Variants in OPHN1 observed in about 807,000 individuals in gnomAD.
OPHN1 encodes the protein oligophrenin-1.
Under a neutral mutation model 60.7 loss-of-function variants are expected in OPHN1, and 11 were observed. The observed-to-expected ratio is 0.18, with a 90% confidence interval of 0.11 to 0.30. The LOEUF (loss-of-function observed/expected upper bound fraction) is 0.30, where lower values mean the gene tolerates loss of function less well. Ranked by LOEUF, OPHN1 falls within the 10% of genes least tolerant of loss-of-function variation. The probability of loss-of-function intolerance (pLI) is 1.00; values close to 1 mark genes in which losing one functional copy is unlikely to be tolerated. For synonymous variants in OPHN1, 226 were observed against 222.6 expected (o/e 1.02, Z -0.14); for missense variants, 449 against 611.0 (o/e 0.73, Z 2.80).
chrX:68,111,745 G>A, intron 18 of OPHN1, 109 bp downstream of exon 18: 1 of 561,546 alleles, frequency 1.8e-6, no homozygotes, highest in South Asian at 2.4e-5. Flanking sequence ...TTCCAAGGAA[G>A]CACTTAAGGG....
intron 12 of OPHN1, among the ~76,000 whole-genome samples, chrX:68,196,257 A>C (rs1487015624): frequency 1.8e-5 from 2 of 112,406 alleles, no homozygotes. Context: ...GCAAAGAAAT[A>C]AGACTGTATC....
intron 2 of OPHN1, among the ~76,000 whole-genome samples, chrX:68,399,035 C>T (rs2078700134): frequency 9.3e-6 from 1 of 107,493 alleles, no homozygotes. Flanking sequence ...CAAAACTGGT[C>T]CTCTCCAGAA....
At chrX:68,078,202 A>AC (rs2076960601) in intron 19 of OPHN1, among the ~76,000 whole-genome samples, 1 of 111,142 alleles carries the variant, frequency 9.0e-6, no homozygotes, top group African/African-American at 3.3e-5. Context: ...CAACTGTGGA[A>AC]GGGGGGTTGG....
intron 15 of OPHN1, among the ~76,000 whole-genome samples, chrX:68,141,170 T>C (rs1354220061): frequency 9.1e-6 from 1 of 110,127 alleles, no homozygotes; most frequent in Non-Finnish European, 1.9e-5. Context: ...ACAAAGGGGG[T>C]AAAGGTCAAG....
chrX:68,327,746 C>T (rs1221981830), intron 2 of OPHN1, among the ~76,000 whole-genome samples: 1 of 77,816 alleles, frequency 1.3e-5, no homozygotes, highest in African/African-American at 5.8e-5. Context: ...CCAAATCCCC[C>T]TCTGCGAGAA....
chrX:68,339,251 A>C (rs1286300495), intron 2 of OPHN1, among the ~76,000 whole-genome samples: 1 of 109,786 alleles, frequency 9.1e-6, no homozygotes, highest in Non-Finnish European at 1.9e-5. Context: ...CTAGGAACAG[A>C]AGGAAATCTC....
At chrX:68,134,999 G>A (rs1352564496) in intron 15 of OPHN1, among the ~76,000 whole-genome samples, 1 of 110,978 alleles carries the variant, frequency 9.0e-6, no homozygotes, top group Non-Finnish European at 1.9e-5. Flanking sequence ...TTTCTGGAAA[G>A]GAAAAGTTCT....
intron 2 of OPHN1, among the ~76,000 whole-genome samples, chrX:68,366,531 G>A (rs749061450): frequency 1.4e-4 from 15 of 110,322 alleles, no homozygotes; most frequent in African/African-American, 2.0e-4. Context: ...GTGTGTGCCC[G>A]TGTGTAGAGT....
chrX:68,427,869 G>A (rs989766582), intron 2 of OPHN1, among the ~76,000 whole-genome samples: 5 of 108,845 alleles, frequency 4.6e-5, no homozygotes, highest in Non-Finnish European at 9.5e-5. Context: ...GGTGGCTCAC[G>A]CCTGTAATCC....
chrX:68,240,575 GTGTC>G (rs1338927459), intron 5 of OPHN1, among the ~76,000 whole-genome samples: 3 of 110,644 alleles, frequency 2.7e-5, no homozygotes, highest in Admixed American at 9.6e-5. Flanking sequence ...CAAATCTGTT[GTGTC>G]TGTAATATTT....
intron 19 of OPHN1, among the ~76,000 whole-genome samples, chrX:68,093,814 C>T (rs948178785): frequency 3.6e-5 from 4 of 110,653 alleles, no homozygotes; most frequent in African/African-American, 6.6e-5. Flanking sequence ...GATATTAATC[C>T]TTTGTCAGAT....
intron 15 of OPHN1, among the ~76,000 whole-genome samples, chrX:68,153,343 C>T (rs1221555959): frequency 6.3e-5 from 7 of 111,346 alleles, no homozygotes; most frequent in African/African-American, 2.0e-4. Flanking sequence ...CTTGTGGCAC[C>T]AAACCTCAGA....
intron 5 of OPHN1, among the ~76,000 whole-genome samples, chrX:68,252,436 T>C (rs1020991052): frequency 1.8e-5 from 2 of 111,837 alleles, no homozygotes; most frequent in African/African-American, 6.5e-5. Flanking sequence ...TCAGGCAACA[T>C]CATCTACCAA....
chrX:68,155,270 G>T (rs776626011), intron 15 of OPHN1, among the ~76,000 whole-genome samples: 1 of 111,931 alleles, frequency 8.9e-6, no homozygotes, highest in South Asian at 3.8e-4. Context: ...TACGTCAGTT[G>T]CTCTCAGACT....
intron 15 of OPHN1, among the ~76,000 whole-genome samples, chrX:68,160,348 C>T (rs1286081855): frequency 9.1e-6 from 1 of 110,248 alleles, no homozygotes; most frequent in Non-Finnish European, 1.9e-5. Context: ...ACTTCAATAC[C>T]CCACTTTAAA....
At chrX:68,071,109 G>A (rs878905918) in intron 20 of OPHN1, 3 of 1,026,136 alleles carry the variant, frequency 2.9e-6, no homozygotes, top group Non-Finnish European at 4.1e-6. Context: ...TATTGATCAG[G>A]TGGATCTTGT....
intron 15 of OPHN1, among the ~76,000 whole-genome samples, chrX:68,123,623 T>C (rs2077158474): frequency 8.9e-6 from 1 of 112,132 alleles, no homozygotes. Flanking sequence ...GTTTCCTTTT[T>C]TCCTTGTTTG....
Position 68,375,287 on chromosome X carries a change from G to A in OPHN1, c.154+57580C>T, listed in dbSNP as rs756117646. Among the ~76,000 whole-genome samples, 98 of 111,976 alleles carry A rather than the reference G, an allele frequency of 8.8e-4. 1 individual carries two copies. The highest frequency in any genetic ancestry group is 2.5e-3 in the Admixed American group (26 of 10,501). ...GCAGGAGGATCACTTGAGGCCAGGAGTTGGAGACCAGCCTGCCAAACATAG... is the reference window on the plus strand; with the variant it reads ...GCAGGAGGATCACTTGAGGCCAGGAATTGGAGACCAGCCTGCCAAACATAG... On this transcript the variant is annotated intron_variant, in intron 2 of 24. Transcript: ENST00000355520.
At chrX:68,350,436 C>G (rs2078402015) in intron 2 of OPHN1, among the ~76,000 whole-genome samples, 1 of 81,441 alleles carries the variant, frequency 1.2e-5, no homozygotes. Flanking sequence ...CCCTCCCTCT[C>G]TCCCTCCCTC....
Sources: gnomAD v4.1 joint callset for allele counts (sites outside exome capture counted in the v4.1 genomes callset) on GRCh38, gnomAD v4.1.1 for gene constraint, MANE v1.5 for transcripts, NCBI Gene and HGNC (gene_info 2026-07-23, HGNC 2026-07-21) for gene names.